The following PLEKHA8 variants were observed in gnomAD, a reference collection of about 807,000 sequenced individuals.
PLEKHA8 encodes the protein pleckstrin homology domain containing A8.
In PLEKHA8, 36 loss-of-function variants were observed where a neutral mutation model predicts 68.2. The ratio of observed to expected loss-of-function variants is 0.53; its 90% confidence interval spans 0.40 to 0.70. PLEKHA8 has a LOEUF of 0.70. PLEKHA8 is among the 30% of genes least tolerant of loss of function. The pLI is 0.00. For synonymous variants in PLEKHA8, 211 were observed against 216.1 expected (o/e 0.98, Z 0.20); for missense variants, 505 against 615.4 (o/e 0.82, Z 1.90).
In PLEKHA8 at chr7:30,090,322, C is replaced by T. The variant is rs771847547; in HGVS notation, c.*147C>T. On this transcript the variant is annotated 3_prime_UTR_variant, in exon 13 of 13. Coordinates refer to the PLEKHA8 transcript ENST00000258679. ...ACGGGAAACAATGGGGGAGTATTTCCGAAGTTCTGAGTAGGAAAAAAGAAT... is the reference window on the plus strand; with the variant it reads ...ACGGGAAACAATGGGGGAGTATTTCTGAAGTTCTGAGTAGGAAAAAAGAAT... The T allele has an allele frequency of 3.6e-4, 358 of 981,848 alleles. 1 individual carries two copies. The highest frequency in any genetic ancestry group is 9.2e-4 in the Admixed American group (32 of 34,970). 60.8% of individuals were successfully genotyped at this position (981,848 alleles called of 1,614,324 possible).
Position 30,077,803 on chromosome 7 carries a change from G to A in PLEKHA8, c.1363-787G>A, listed in dbSNP as rs956511843. ...AAGCCTCTGCTGAGATCTAGTGACC[G>A]CCAGAAAACAGATTTTAGCAAGCTT... is the stretch of plus-strand genomic sequence containing the variant. On this transcript the variant is annotated intron_variant, in intron 13 of 13. Coordinates refer to ENST00000449726, the MANE Select transcript of PLEKHA8 (RefSeq NM_001197026.2). Among the ~76,000 whole-genome samples the A allele has an allele frequency of 3.3e-5, 5 of 152,056 alleles. No homozygotes were observed. In the East Asian group the frequency reaches 5.8e-4, roughly 18 times the overall value.
chr7:30,095,811 G>T (rs1460924741), intron 13 of PLEKHA8, among the ~76,000 whole-genome samples: 8 of 152,146 alleles, frequency 5.3e-5, no homozygotes, highest in Admixed American at 4.6e-4. Flanking sequence ...TTTTTGTCAG[G>T]TTTGTCAAAG....
intron 1 of PLEKHA8, among the ~76,000 whole-genome samples, chr7:30,038,530 C>G (rs1791279185): frequency 1.3e-5 from 2 of 152,086 alleles, no homozygotes; most frequent in South Asian, 4.1e-4. Flanking sequence ...AAGGCTTGAT[C>G]AGAAAGGAGT....
At chr7:30,090,114 G>A in intron 12 of PLEKHA8, 1 of 1,523,554 alleles carries the variant, frequency 6.6e-7, no homozygotes, top group South Asian at 1.3e-5. Context: ...TGAAATGAAG[G>A]AAGGAATCTT....
At chr7:30,060,991 G>A (rs1793389423) in intron 10 of PLEKHA8, 49 bp downstream of exon 10, 2 of 1,554,288 alleles carry the variant, frequency 1.3e-6, no homozygotes, top group Admixed American at 3.6e-5. Flanking sequence ...AAAGGAAAAT[G>A]TTCTCAACAT....
At chr7:30,115,712 ACGCG>A (rs1562557629) in intron 13 of PLEKHA8, 49 of 116,138 alleles carry the variant, frequency 4.2e-4, no homozygotes, top group Non-Finnish European at 8.3e-4. Flanking sequence ...ATGTATACAT[ACGCG>A]CATGCATGCA....
intron 12 of PLEKHA8, among the ~76,000 whole-genome samples, chr7:30,073,366 TAGAG>T (rs1376659214): frequency 6.6e-6 from 1 of 152,070 alleles, no homozygotes; most frequent in Non-Finnish European, 1.5e-5. Context: ...AACAGATGGT[TAGAG>T]AGGGCAGCTA....
intron 12 of PLEKHA8, chr7:30,069,531 G>A (rs1270144768): frequency 6.6e-6 from 1 of 152,210 alleles, no homozygotes; most frequent in Non-Finnish European, 1.5e-5. Flanking sequence ...TACTATAAAA[G>A]CTTTAGGCAT....
chr7:30,112,515 C>T (rs187032353), intron 13 of PLEKHA8, among the ~76,000 whole-genome samples: 6 of 151,902 alleles, frequency 3.9e-5, no homozygotes, highest in African/African-American at 1.5e-4. Flanking sequence ...GTAGCTAAAG[C>T]AGAACTTGAG....
rs1790422585 is a variant in PLEKHA8 at position 30,028,883 on chromosome 7, C to G, written c.40+81C>G. 4 of 1,222,950 alleles carry G rather than the reference C, an allele frequency of 3.3e-6. No individual in the cohort carries two copies. In the African/African-American group the frequency reaches 4.7e-5, roughly 14 times the overall value. 75.8% of individuals were successfully genotyped at this position (1,222,950 alleles called of 1,614,324 possible). On this transcript the variant is annotated intron_variant, in intron 1 of 13. Coordinates refer to ENST00000449726, the MANE Select transcript of PLEKHA8 (RefSeq NM_001197026.2). Reference sequence around the variant, plus strand: ...GCTGGAGGGCGGTGTCTGGACCCGTCTTAGGGAGGGGGTCACGGCCCTTTC... The same window carrying G: ...GCTGGAGGGCGGTGTCTGGACCCGTGTTAGGGAGGGGGTCACGGCCCTTTC...
chr7:30,115,685 CAT>C (rs1796435138), intron 13 of PLEKHA8, among the ~76,000 whole-genome samples: 2 of 150,360 alleles, frequency 1.3e-5, no homozygotes, highest in African/African-American at 2.5e-5. Flanking sequence ...TACGCACATA[CAT>C]GCATACACGT....
At chr7:30,095,708 G>A (rs971319053), downstream of PLEKHA8, among the ~76,000 whole-genome samples, 1 of 152,198 alleles carries the variant, frequency 6.6e-6, no homozygotes, top group Non-Finnish European at 1.5e-5. Flanking sequence ...TGTATAAGGT[G>A]TAAGGAAGGG....
intron 9 of PLEKHA8, among the ~76,000 whole-genome samples, chr7:30,056,358 CACAT>C (rs1479270520): frequency 1.6e-5 from 2 of 122,488 alleles, no homozygotes; most frequent in Non-Finnish European, 3.4e-5. Context: ...ATATATATAA[CACAT>C]ATATATATAA....
At chr7:30,106,053 ATCT>A (rs941284898) in intron 13 of PLEKHA8, among the ~76,000 whole-genome samples, 3 of 147,922 alleles carry the variant, frequency 2.0e-5, no homozygotes, top group Non-Finnish European at 3.0e-5. Flanking sequence ...AGTCTTTAAC[ATCT>A]TTTTTTTTTT....
intron 13 of PLEKHA8, among the ~76,000 whole-genome samples, chr7:30,097,775 C>T (rs990224507): frequency 1.3e-5 from 2 of 152,316 alleles, no homozygotes; most frequent in South Asian, 2.1e-4. Context: ...GTTCGAACTT[C>T]TTCCTTTAGC....
chr7:30,046,698 TAGG>T (rs1308775401), intron 3 of PLEKHA8, among the ~76,000 whole-genome samples: 2 of 152,152 alleles, frequency 1.3e-5, no homozygotes, highest in Non-Finnish European at 2.9e-5. Flanking sequence ...GATCCTACCT[TAGG>T]AGGATTACCA....
At chr7:30,110,275 G>A (rs1299671294) in intron 13 of PLEKHA8, among the ~76,000 whole-genome samples, 1 of 152,252 alleles carries the variant, frequency 6.6e-6, no homozygotes, top group East Asian at 1.9e-4. Flanking sequence ...TACAATGTGT[G>A]TGGTGTTTTA....
intron 13 of PLEKHA8, among the ~76,000 whole-genome samples, chr7:30,128,322 G>C (rs1796816995): frequency 6.6e-6 from 1 of 151,972 alleles, no homozygotes; most frequent in African/African-American, 2.4e-5. Flanking sequence ...GCCCAGCCTG[G>C]TCTCAAACAC....
intron 12 of PLEKHA8, among the ~76,000 whole-genome samples, chr7:30,073,495 C>T (rs1219967582): frequency 6.8e-6 from 1 of 146,990 alleles, no homozygotes; most frequent in African/African-American, 2.6e-5. Context: ...CTTTTCCCAC[C>T]ATGATAATAA....
Sources: allele counts gnomAD v4.1 joint callset (sites outside exome capture counted in the v4.1 genomes callset), GRCh38; gene constraint gnomAD v4.1.1; transcripts MANE v1.5; gene names NCBI Gene and HGNC (gene_info 2026-07-23, HGNC 2026-07-21).